Variants in NSUN7 observed in about 807,000 individuals in gnomAD.
The protein encoded by NSUN7 is NOP2/Sun RNA methyltransferase family member 7.
In NSUN7, 39 loss-of-function variants were observed where a neutral mutation model predicts 58.5. The ratio of observed to expected loss-of-function variants is 0.67; its 90% CI spans 0.52 to 0.87. The LOEUF is 0.87. Among genes scored for constraint, NSUN7 ranks in the 40% least tolerant of loss-of-function variants. NSUN7 has a pLI of 0.00. For missense variants in NSUN7, 765 were observed against 844.1 expected (o/e 0.91, Z 1.16); for synonymous variants, 278 against 303.7 (o/e 0.92, Z 0.88).
intron 9 of NSUN7, among the ~76,000 whole-genome samples, chr4:40,797,453 G>A (rs950573521): frequency 5.3e-5 from 8 of 152,018 alleles, no homozygotes; most frequent in Non-Finnish European, 7.4e-5. Context: ...TCTTCCTCCC[G>A]CCATACTTGT....
intron 7 of NSUN7, among the ~76,000 whole-genome samples, chr4:40,779,535 C>T (rs1376688092): frequency 4.6e-5 from 7 of 151,998 alleles, no homozygotes; most frequent in African/African-American, 7.3e-5. Flanking sequence ...ACCTGGGAGG[C>T]GGAGCTTGCA....
At chr4:40,794,226 A>G in intron 8 of NSUN7, 149 bp from the exon 9 acceptor site, 1 of 459,714 alleles carries the variant, frequency 2.2e-6, no homozygotes, top group Non-Finnish European at 3.9e-6. Context: ...TTTTAAGTCA[A>G]CATTTTAATA....
intron 4 of NSUN7, among the ~76,000 whole-genome samples, chr4:40,773,640 G>A (rs1742116911): frequency 6.6e-6 from 1 of 150,760 alleles, no homozygotes; most frequent in Non-Finnish European, 1.5e-5. Context: ...CCAAGATCAT[G>A]CCACTGCACT....
chr4:40,801,909 AAAAAAAAAAAG>A (rs1743602738), intron 10 of NSUN7, among the ~76,000 whole-genome samples: 1 of 150,912 alleles, frequency 6.6e-6, no homozygotes, highest in Admixed American at 6.6e-5. Context: ...CTCAAAAAAA[AAAAAAAAAAAG>A]AAAAGAAAAG....
intron 2 of NSUN7, among the ~76,000 whole-genome samples, chr4:40,759,937 A>G (rs1346709931): frequency 2.0e-5 from 3 of 152,168 alleles, no homozygotes; most frequent in African/African-American, 7.2e-5. Flanking sequence ...GCTACTCTGG[A>G]GGCTGAGGCA....
chr4:40,792,812 T>C lies in NSUN7; in HGVS notation c.1181-1563T>C, dbSNP rs541623639. 7.2e-5 allele frequency among the ~76,000 whole-genome samples: 11 copies of C among 151,944 alleles called. No homozygotes were observed. The East Asian group carries it at 2.1e-3, about 29-fold the overall frequency. The stretch of plus-strand genomic sequence containing the variant: ...CGGGCTTTTGAAGGAACCTGTACTC[T>C]GAGGAGCTAAAAGCTTGAGCAAATA... On this transcript the variant is annotated intron_variant, in intron 8 of 11. Transcript: ENST00000381782.
chr4:40,764,766 G>A lies in NSUN7; in HGVS notation c.488+3465G>A, dbSNP rs1482005676. Among the ~76,000 whole-genome samples, 417 of 151,866 alleles carry A rather than the reference G, an allele frequency of 2.7e-3. 2 individuals carry two copies. Among genetic ancestry groups the A allele is most frequent in the African/African-American group, 9.3e-3 (387 of 41,420 alleles). ...GTTGTTTCCTGACTTTTTAATGATTGCCATTCTAACTGGTGTGAGATGGTA... is the reference window on the plus strand; with the variant it reads ...GTTGTTTCCTGACTTTTTAATGATTACCATTCTAACTGGTGTGAGATGGTA... On this transcript the variant is annotated intron_variant, in intron 4 of 11. Transcript: ENST00000381782.
chr4:40,766,993 C>T (rs1741764020), intron 4 of NSUN7, among the ~76,000 whole-genome samples: 1 of 150,340 alleles, frequency 6.7e-6, no homozygotes, highest in Non-Finnish European at 1.5e-5. Flanking sequence ...ATTAGTCTTG[C>T]TAGCAGTCTA....
At chr4:40,782,189 A>T (rs1742605520) in intron 7 of NSUN7, among the ~76,000 whole-genome samples, 1 of 152,208 alleles carries the variant, frequency 6.6e-6, no homozygotes, top group Non-Finnish European at 1.5e-5. Flanking sequence ...ATGAAAGAAA[A>T]TCCTTTTTAT....
At position 40,750,031 on chromosome 4, in the gene NSUN7, C is replaced by T. The variant is rs1026610782; in HGVS notation, c.-361C>T. ...CAGACCCCGGGCACCGCGCTCACCC[C>T]TCTTCGCCGCCACGTCCGCGAAGGC... On this transcript the variant is annotated 5_prime_UTR_variant, in exon 1 of 12. Transcript: ENST00000381782. 2 of 152,418 alleles carry T rather than the reference C, an allele frequency of 1.3e-5. No individual in the cohort carries two copies. Among genetic ancestry groups the T allele is most frequent in the East Asian group, 3.8e-4 (2 of 5,196 alleles). The allele number at this position is 152,418 out of a possible 1,614,324, so 9.4% of individuals were successfully genotyped here.
intron 9 of NSUN7, among the ~76,000 whole-genome samples, chr4:40,794,832 A>T (rs910137524): frequency 3.9e-5 from 6 of 152,036 alleles, no homozygotes; most frequent in Non-Finnish European, 7.4e-5. Flanking sequence ...ACCCTTAACA[A>T]CTCTTCTACA....
intron 5 of NSUN7, 68 bp from the exon 6 acceptor site, chr4:40,774,699 G>T: frequency 2.1e-6 from 2 of 959,556 alleles, no homozygotes; most frequent in Non-Finnish European, 3.1e-6. Flanking sequence ...CAGGAAAAAG[G>T]TGTTAGTGTT....
At chr4:40,758,693 AAAAAT>A (rs1382973483) in intron 2 of NSUN7, among the ~76,000 whole-genome samples, 1 of 151,946 alleles carries the variant, frequency 6.6e-6, no homozygotes, top group African/African-American at 2.4e-5. Flanking sequence ...TTAAAAAACA[AAAAAT>A]AAAAATAAAA....
Position 40,776,125 on chromosome 4 carries a change from C to G in NSUN7, c.902C>G (p.Thr301Arg). The G allele has an allele frequency of 6.2e-7, 1 of 1,608,030 alleles. No individual in the cohort carries two copies. Reference protein sequence around the residue: ...NMDDDVLMVNTGSWYTVSHMS... With the variant: ...NMDDDVLMVNRGSWYTVSHMS... ...GATGATGATGTCTTAATGGTCAATACAGGCTCATGGTACACAGTTTCCCAC... is the reference window on the plus strand; with the variant it reads ...GATGATGATGTCTTAATGGTCAATAGAGGCTCATGGTACACAGTTTCCCAC... The change falls in exon 7 of 12, where the codon ACA becomes AGA. Residue 301 changes from threonine (T) to arginine (R), a missense_variant. Coordinates refer to ENST00000381782, the MANE Select transcript of NSUN7 (RefSeq NM_024677.6).
At chr4:40,800,195 A>T (rs1743522103) in intron 10 of NSUN7, among the ~76,000 whole-genome samples, 1 of 152,168 alleles carries the variant, frequency 6.6e-6, no homozygotes, top group Non-Finnish European at 1.5e-5. Flanking sequence ...AAAACATGAG[A>T]TGTCGTTACT....
At position 40,808,573 on chromosome 4, in the gene NSUN7, G is replaced by T; in HGVS notation, c.1791G>T (p.Val597=). 3 of 1,551,628 alleles carry T rather than the reference G, an allele frequency of 1.9e-6. No homozygotes were observed. The highest frequency in any genetic ancestry group is 2.4e-5 in the South Asian group (2 of 84,044). The change falls in exon 12 of 12, where the codon GTG becomes GTT. Residue 597 remains valine (V), a synonymous_variant. Transcript: ENST00000381782. Reference sequence around the variant, plus strand: ...TTCCCCAGAAAAATACTGCTCAAGTGGGGGCTTCCTCACAGACCAGAAAAC... The same window carrying T: ...TTCCCCAGAAAAATACTGCTCAAGTTGGGGCTTCCTCACAGACCAGAAAAC... ...PPLPQKNTAQ[V]GASSQTRKPN...
At chr4:40,760,030 T>A (rs1741373613) in intron 2 of NSUN7, among the ~76,000 whole-genome samples, 1 of 152,136 alleles carries the variant, frequency 6.6e-6, no homozygotes, top group Admixed American at 6.5e-5. Context: ...AGAGCAAGAC[T>A]CTGTCTCAAA....
intron 10 of NSUN7, among the ~76,000 whole-genome samples, chr4:40,803,859 CAGTT>C (rs1409680711): frequency 6.6e-6 from 1 of 152,128 alleles, no homozygotes; most frequent in Non-Finnish European, 1.5e-5. Context: ...TGTTGAAAAT[CAGTT>C]AGTTAATCCC....
intron 2 of NSUN7, among the ~76,000 whole-genome samples, chr4:40,751,787 C>A (rs1382333661): frequency 2.6e-5 from 4 of 151,968 alleles, no homozygotes; most frequent in Non-Finnish European, 5.9e-5. Context: ...TGAGCTCAGG[C>A]GTTAAAGACC....
Sources: gnomAD v4.1 joint callset for allele counts (sites outside exome capture counted in the v4.1 genomes callset) on GRCh38, gnomAD v4.1.1 for gene constraint, MANE v1.5 for transcripts, NCBI Gene and HGNC (gene_info 2026-07-23, HGNC 2026-07-21) for gene names.